Variants in DISC1 observed in about 807,000 individuals in gnomAD.
DISC1 encodes DISC1 scaffold protein.
A neutral mutation model predicts 84.5 loss-of-function variants in DISC1; 57 were observed. The observed-to-expected ratio is 0.67, with a 90% CI of 0.55 to 0.84. The LOEUF (loss-of-function observed/expected upper bound fraction) is 0.84. Among genes scored for constraint, DISC1 ranks in the 40% least tolerant of loss-of-function variants. DISC1 has a pLI of 0.00. For missense variants in DISC1, 1,000 were observed against 1,057.8 expected (o/e 0.95, Z 0.76); for synonymous variants, 411 against 415.2 (o/e 0.99, Z 0.12).
intron 10 of DISC1, among the ~76,000 whole-genome samples, chr1:231,972,230 T>G (rs1157595285): frequency 1.3e-5 from 2 of 152,196 alleles, no homozygotes; most frequent in Non-Finnish European, 2.9e-5. Flanking sequence ...AAATGGAAAT[T>G]GTTCTAGAGG....
intron 2 of DISC1, among the ~76,000 whole-genome samples, chr1:231,696,049 A>C (rs1345752574): frequency 1.3e-5 from 2 of 152,112 alleles, no homozygotes; most frequent in Non-Finnish European, 2.9e-5. Flanking sequence ...CCCGTTCTGA[A>C]GGGCCTCCAA....
intron 11 of DISC1, among the ~76,000 whole-genome samples, chr1:232,019,388 C>T (rs954337344): frequency 9.9e-5 from 15 of 152,062 alleles, no homozygotes; most frequent in Admixed American, 6.5e-4. Context: ...CTGAAAGGAC[C>T]GCCTGACAAG....
intron 9 of DISC1, among the ~76,000 whole-genome samples, chr1:231,829,711 T>C (rs1374550415): frequency 6.6e-6 from 1 of 152,194 alleles, no homozygotes; most frequent in Non-Finnish European, 1.5e-5. Flanking sequence ...ACAGGCTTTG[T>C]GTGAGCAACG....
chr1:231,801,471 C>T (rs1283360491), intron 8 of DISC1, among the ~76,000 whole-genome samples: 3 of 152,158 alleles, frequency 2.0e-5, no homozygotes, highest in African/African-American at 7.2e-5. Context: ...GGGAAAATGC[C>T]CAAGATGGTA....
intron 9 of DISC1, among the ~76,000 whole-genome samples, chr1:231,915,530 T>C (rs1295350148): frequency 6.6e-6 from 1 of 152,154 alleles, no homozygotes; most frequent in African/African-American, 2.4e-5. Flanking sequence ...ACGCCTATAA[T>C]CCCAGCACTT....
intron 9 of DISC1, among the ~76,000 whole-genome samples, chr1:231,868,565 G>T (rs1229356219): frequency 6.6e-6 from 1 of 151,576 alleles, no homozygotes; most frequent in Non-Finnish European, 1.5e-5. Flanking sequence ...AGGGCCTTTA[G>T]AAAGAGTCAG....
chr1:231,985,616 C>G (rs1664315033), intron 10 of DISC1, among the ~76,000 whole-genome samples: 1 of 152,124 alleles, frequency 6.6e-6, no homozygotes, highest in African/African-American at 2.4e-5. Flanking sequence ...CAATTGAAGC[C>G]TTTGTTTGTA....
intron 9 of DISC1, among the ~76,000 whole-genome samples, chr1:231,916,931 C>T (rs1008811555): frequency 6.6e-6 from 1 of 152,136 alleles, no homozygotes; most frequent in African/African-American, 2.4e-5. Flanking sequence ...AGCTCCTCCT[C>T]TCCAGTTATA....
intron 7 of DISC1, among the ~76,000 whole-genome samples, chr1:231,797,314 CA>C (rs2078837317): frequency 6.6e-6 from 1 of 152,084 alleles, no homozygotes; most frequent in Non-Finnish European, 1.5e-5. Flanking sequence ...TAGATTTTCC[CA>C]AATATCAAAA....
At chr1:232,012,506 C>A (rs1337954834) in intron 11 of DISC1, among the ~76,000 whole-genome samples, 2 of 152,164 alleles carry the variant, frequency 1.3e-5, no homozygotes, top group South Asian at 2.1e-4. Context: ...AATGTCTATT[C>A]GCTTTGCAGC....
At chr1:231,893,922 A>T (rs1194571307) in intron 9 of DISC1, among the ~76,000 whole-genome samples, 1 of 152,216 alleles carries the variant, frequency 6.6e-6, no homozygotes, top group Non-Finnish European at 1.5e-5. Context: ...AAAGCCCTGC[A>T]GTGGCTTCCA....
chr1:231,941,775 A>T (rs556983751), intron 9 of DISC1, among the ~76,000 whole-genome samples: 1 of 151,890 alleles, frequency 6.6e-6, no homozygotes, highest in South Asian at 2.1e-4. Flanking sequence ...CTGGTCTGAA[A>T]CTCGAATTCT....
intron 9 of DISC1, among the ~76,000 whole-genome samples, chr1:231,869,276 C>T (rs4658886): frequency 0.84 from 126,912 of 151,616 alleles, 53,523 homozygotes; most frequent in East Asian, 0.99. Flanking sequence ...TCTTTACAGA[C>T]ACTTAACTCA....
At chr1:231,740,545 G>C (rs2073118613) in intron 3 of DISC1, among the ~76,000 whole-genome samples, 1 of 152,192 alleles carries the variant, frequency 6.6e-6, no homozygotes, top group Admixed American at 6.5e-5. Flanking sequence ...GCAGAGGTTT[G>C]GACTTTGTTC....
chr1:231,869,956 A>T (rs1323172409), intron 9 of DISC1, among the ~76,000 whole-genome samples: 3 of 152,206 alleles, frequency 2.0e-5, no homozygotes, highest in Non-Finnish European at 4.4e-5. Flanking sequence ...AAAACAGAAC[A>T]CAAAGCTGAA....
At chr1:231,651,740 C>CG (rs2060642299) in intron 1 of DISC1, among the ~76,000 whole-genome samples, 1 of 152,252 alleles carries the variant, frequency 6.6e-6, no homozygotes, top group Non-Finnish European at 1.5e-5. Flanking sequence ...CGGTGGGCTC[C>CG]GCCCAGTTCA....
At chr1:231,794,778 G>A (rs1422932457) in intron 6 of DISC1, among the ~76,000 whole-genome samples, 1 of 152,162 alleles carries the variant, frequency 6.6e-6, no homozygotes, top group Non-Finnish European at 1.5e-5. Context: ...TTAAATATGT[G>A]TCTCTCCTTT....
chr1:231,707,234 A>C (rs1213400040), intron 3 of DISC1, among the ~76,000 whole-genome samples: 2 of 152,198 alleles, frequency 1.3e-5, no homozygotes, highest in Non-Finnish European at 2.9e-5. Flanking sequence ...TGCAATTGAA[A>C]TCTGCTCAGA....
chr1:231,852,166 G>A (rs1234510790), intron 9 of DISC1, among the ~76,000 whole-genome samples: 2 of 152,142 alleles, frequency 1.3e-5, no homozygotes, highest in Non-Finnish European at 2.9e-5. Context: ...AACACCAGTC[G>A]GCTCGTCTCC....
Sources: allele counts gnomAD v4.1 joint callset (sites outside exome capture counted in the v4.1 genomes callset), GRCh38; gene constraint gnomAD v4.1.1; transcripts MANE v1.5; gene names NCBI Gene and HGNC (gene_info 2026-07-23, HGNC 2026-07-21).